Variants in DNAH5 observed in about 807,000 individuals in gnomAD.
The protein encoded by DNAH5 is dynein axonemal heavy chain 5.
A neutral mutation model predicts 518.2 loss-of-function variants in DNAH5; 372 were observed. The observed-to-expected ratio is 0.72, with a 90% CI of 0.66 to 0.78. DNAH5 has a LOEUF of 0.78. Ranked by LOEUF, DNAH5 falls within the 30% of genes least tolerant of loss-of-function variation. The pLI, the probability that DNAH5 is intolerant of heterozygous loss-of-function variation, is 0.00. For synonymous variants in DNAH5, 2,039 were observed against 2,025.9 expected, an observed-to-expected ratio of 1.01 and a Z score of -0.17; for missense variants, 5,523 against 5,687.0, an observed-to-expected ratio of 0.97 and a Z score of 0.93.
intron 1 of DNAH5, among the ~76,000 whole-genome samples, chr5:13,935,176 G>C (rs1778809640): frequency 6.6e-6 from 1 of 152,104 alleles, no homozygotes; most frequent in Non-Finnish European, 1.5e-5. Context: ...CTTCCAAAGA[G>C]CACAGAGATT....
intron 1 of DNAH5, among the ~76,000 whole-genome samples, chr5:13,985,228 C>T (rs1158306292): frequency 1.4e-5 from 2 of 139,956 alleles, no homozygotes; most frequent in African/African-American, 2.7e-5. Context: ...AACTGAACAA[C>T]GAGAACACTT....
chr5:13,879,341 A>G (rs1054460808), intron 21 of DNAH5, among the ~76,000 whole-genome samples: 2 of 152,214 alleles, frequency 1.3e-5, no homozygotes, highest in Admixed American at 1.3e-4. Flanking sequence ...TAAATCCATC[A>G]TAAGTCAAAA....
rs547750871 is a variant in DNAH5, at chr5:13,910,954, G to A, written c.1644+432C>T. ...CAAGCGGGGTCCAGGTGCTGAGTCG[G>A]TCCTGGCGCCACCGTTTCTAAGGCC... On this transcript the variant is annotated intron_variant, in intron 12 of 78. Transcript: ENST00000265104. 8.5e-5 allele frequency among the ~76,000 whole-genome samples: 13 copies of A among 152,298 alleles called. No individual in the cohort carries two copies. The South Asian group carries it at 2.7e-3, about 32-fold the overall frequency.
At chr5:13,810,288 T>C in intron 44 of DNAH5, 28 bp from the exon 45 acceptor site, 7 of 1,543,900 alleles carry the variant, frequency 4.5e-6, no homozygotes, top group Non-Finnish European at 6.1e-6. Context: ...TTTTTTTTAA[T>C]AACTTGATTC....
At chr5:13,750,594 GCTCT>G (rs1174193432) in intron 65 of DNAH5, among the ~76,000 whole-genome samples, 1 of 152,060 alleles carries the variant, frequency 6.6e-6, no homozygotes, top group Non-Finnish European at 1.5e-5. Context: ...ATACTACAGG[GCTCT>G]CTTAGATCAC....
At position 13,776,473 on chromosome 5, in the gene DNAH5, C is replaced by T. The variant is rs771586458; in HGVS notation, c.9339G>A (p.Trp3113Ter). The change falls in exon 55 of 79, where the codon TGG (tryptophan) becomes TGA (stop). Residue 3113 changes from tryptophan (W) to a stop codon, truncating the protein, a stop_gained. Transcript: ENST00000265104. LOFTEE classifies it high-confidence loss of function. ...AAGCATCTTTGGGCCATCGGCTGAA[C>T]CAGTCAATTGTGCATCCTGAAATTA... ...PALISGCTIDWFSRWPKDALV... is the reference protein window; with the variant it reads ...PALISGCTID The T allele has an allele frequency of 1.2e-6, 2 of 1,613,810 alleles. No individual in the cohort carries two copies. The highest frequency in any genetic ancestry group is 2.7e-5 in the African/African-American group (2 of 74,998).
intron 61 of DNAH5, among the ~76,000 whole-genome samples, chr5:13,755,002 C>T (rs182596671): frequency 0.01 from 1,564 of 151,892 alleles, 34 homozygotes; most frequent in African/African-American, 0.035. Flanking sequence ...ATTAGCTGGG[C>T]GTGGTGGCAG....
chr5:13,894,450 A>T (rs1391691559), intron 16 of DNAH5, among the ~76,000 whole-genome samples, 200 bp downstream of exon 16: 1 of 152,228 alleles, frequency 6.6e-6, no homozygotes, highest in Non-Finnish European at 1.5e-5. Context: ...ATCTCTGGGG[A>T]TAAAATTAAA....
Position 13,844,939 on chromosome 5 carries a change from A to T in DNAH5, c.5169T>A (p.Pro1723=). Residue 1723 remains proline (P), a synonymous_variant, in exon 32 of 79, where the codon CCT becomes CCA. Transcript: ENST00000265104. ...CCTGCCCCAGAATCTCTAGAAGGGC[A>T]GGATCTGAGACGAAGAAAAACCGAG... ...CFPRFFFVSD[P]ALLEILGQAS... 6.2e-7 allele frequency: 1 copy of T among 1,614,190 alleles called. No homozygotes were observed. Among genetic ancestry groups the T allele is most frequent in the Non-Finnish European group, 8.5e-7 (1 of 1,180,012 alleles).
chr5:13,720,848 G>T, intron 71 of DNAH5, 152 bp downstream of exon 71: 2 of 1,066,858 alleles, frequency 1.9e-6, no homozygotes, highest in Non-Finnish European at 1.3e-6. Flanking sequence ...AAGTTTCAAT[G>T]TTAGCTTAAA....
intron 17 of DNAH5, among the ~76,000 whole-genome samples, chr5:13,887,479 T>A (rs950787626): frequency 6.6e-6 from 1 of 152,208 alleles, no homozygotes; most frequent in East Asian, 1.9e-4. Context: ...CCTCCACTTA[T>A]CCTGCTTCAT....
intron 17 of DNAH5, among the ~76,000 whole-genome samples, chr5:13,889,060 T>C (rs755706854): frequency 1.4e-4 from 22 of 152,172 alleles, no homozygotes; most frequent in Non-Finnish European, 2.6e-4. Flanking sequence ...ATTCAAAACC[T>C]GATATATATG....
chr5:13,919,332 C>G lies in DNAH5; in HGVS notation c.819G>C (p.Gln273His), dbSNP rs777081293. Residue 273 changes from glutamine to histidine, a missense_variant, in exon 7 of 79, where the codon CAG becomes CAC. By Grantham distance (24) the Gln-to-His change is conservative (BLOSUM62 0). This residue lies in a region of DNAH5 where 5,121 missense variants were observed against 5,223.3 expected (regional missense o/e 0.98). Transcript: ENST00000265104. Reference protein sequence around the residue: ...QTEQVLAENNQLLKEADDVGP... With the variant: ...QTEQVLAENNHLLKEADDVGP... ...CAACGTCATCCGCTTCCTTCAGCAGCTGATTGTTTTCAGCAAGAACCTGCA... is the reference window on the plus strand; with the variant it reads ...CAACGTCATCCGCTTCCTTCAGCAGGTGATTGTTTTCAGCAAGAACCTGCA... 1 of 1,614,050 alleles carries G rather than the reference C, an allele frequency of 6.2e-7. No individual in the cohort carries two copies. Among genetic ancestry groups the G allele is most frequent in the African/African-American group, 1.3e-5 (1 of 75,028 alleles).
rs913005583 is a variant in DNAH5 at position 13,753,168 on chromosome 5, G to T, written c.10872+65C>A. On this transcript the variant is annotated intron_variant, in intron 63 of 78. Transcript: ENST00000265104. ...GTTTTCAAATATTTCTTTACTCTTG[G>T]ATTTTTGTTTATCTGAGGCAATAAA... 14 of 1,244,550 alleles carry T rather than the reference G, an allele frequency of 1.1e-5. 1 individual carries two copies. The highest frequency in any genetic ancestry group is 2.4e-5 in the South Asian group (2 of 81,910). The allele number at this position is 1,244,550 out of a possible 1,614,324, so 77.1% of individuals were successfully genotyped here.
At chr5:13,695,503 T>C (rs1741248498) in intron 78 of DNAH5, among the ~76,000 whole-genome samples, 1 of 152,122 alleles carries the variant, frequency 6.6e-6, no homozygotes, top group African/African-American at 2.4e-5. Context: ...CGAGGACATG[T>C]AAACACAGAA....
rs561688704 is a variant in DNAH5 at position 13,799,305 on chromosome 5, A to C, written c.7888-5247T>G. On this transcript the variant is annotated intron_variant, in intron 47 of 78. Coordinates refer to ENST00000265104, the MANE Select transcript of DNAH5 (RefSeq NM_001369.3). Reference sequence around the variant, plus strand: ...CTCCTTATGGCCAACTAGGACTTCCAGACATTCCCATGTCTATTAATGAGA... The same window carrying C: ...CTCCTTATGGCCAACTAGGACTTCCCGACATTCCCATGTCTATTAATGAGA... 3.3e-5 allele frequency among the ~76,000 whole-genome samples: 5 copies of C among 151,846 alleles called. No homozygotes were observed. In the East Asian group the frequency reaches 9.7e-4, roughly 29 times the overall value.
intron 1 of DNAH5, among the ~76,000 whole-genome samples, chr5:13,975,949 C>T (rs1283186066): frequency 6.6e-6 from 1 of 152,140 alleles, no homozygotes; most frequent in African/African-American, 2.4e-5. Context: ...GGCGGGAAGA[C>T]TGCTTGAGCC....
intron 9 of DNAH5, among the ~76,000 whole-genome samples, chr5:13,915,469 T>C (rs1776546766): frequency 6.6e-6 from 1 of 152,136 alleles, no homozygotes; most frequent in Admixed American, 6.5e-5. Flanking sequence ...AACACACATT[T>C]ACTTGTGGGT....
chr5:13,997,594 C>G (rs1052923783), intron 1 of DNAH5, among the ~76,000 whole-genome samples: 70 of 152,294 alleles, frequency 4.6e-4, no homozygotes, highest in African/African-American at 1.7e-3. Flanking sequence ...CAGCTCTCCT[C>G]TTCTACACCC....
Sources: allele counts gnomAD v4.1 joint callset (sites outside exome capture counted in the v4.1 genomes callset), GRCh38; gene constraint gnomAD v4.1.1; regional missense constraint gnomAD v4.1.1; transcripts MANE v1.5; gene names NCBI Gene and HGNC (gene_info 2026-07-23, HGNC 2026-07-21).